Variants in PLD2 observed in about 807,000 individuals in gnomAD.
PLD2 encodes the protein choline phosphatase 2.
A neutral mutation model predicts 119.8 loss-of-function variants in PLD2; 101 were observed. That is an observed-to-expected ratio of 0.84 (90% CI 0.72 to 0.99). The LOEUF (loss-of-function observed/expected upper bound fraction) is 0.99. Ranked by LOEUF, PLD2 falls within the 50% of genes least tolerant of loss-of-function variation. The probability of loss-of-function intolerance (pLI) is 0.00; values close to 1 mark genes in which losing one functional copy is unlikely to be tolerated. For synonymous variants in PLD2, 494 were observed against 482.8 expected (o/e 1.02, Z -0.30); for missense variants, 1,164 against 1,226.8 (o/e 0.95, Z 0.76).
Position 4,822,668 on chromosome 17 carries a change from C to T in PLD2, c.2606C>T (p.Thr869Met), listed in dbSNP as rs745540818. 1.9e-6 allele frequency: 3 copies of T among 1,612,832 alleles called. No homozygotes were observed. The highest frequency in any genetic ancestry group is 1.1e-5 in the South Asian group (1 of 91,044). The change falls in exon 25 of 25, where the codon ACG becomes ATG. Residue 869 changes from threonine (T) to methionine (M), a missense_variant. Coordinates refer to ENST00000263088, the MANE Select transcript of PLD2 (RefSeq NM_002663.5). ...TTCCGCTGCCTGCCATCCAATGCCA[C>T]GCGTTCCCTGCGGACTCTCCGGGAG... Reference protein sequence around the residue: ...QIFRCLPSNATRSLRTLREYV... With the variant: ...QIFRCLPSNAMRSLRTLREYV...
chr17:4,815,826 C>T lies in PLD2; in HGVS notation c.1347C>T (p.Asp449=), dbSNP rs768533743. The change falls in exon 14 of 25, where the codon GAC becomes GAT. Residue 449 remains aspartate, a synonymous_variant. Coordinates refer to ENST00000263088, the MANE Select transcript of PLD2 (RefSeq NM_002663.5). Reference sequence around the variant, plus strand: ...ATCATGAGAAGCTCCTGGTGGTGGACCAAGTGGTAGCATTCCTGGGGGGAC... The same window carrying T: ...ATCATGAGAAGCTCCTGGTGGTGGATCAAGTGGTAGCATTCCTGGGGGGAC... ...WAHHEKLLVV[D]QVVAFLGGLD... is the part of the protein sequence containing the mutation. The T allele has an allele frequency of 1.2e-6, 2 of 1,614,098 alleles. No homozygotes were observed. Among genetic ancestry groups the T allele is most frequent in the East Asian group, 2.2e-5 (1 of 44,874 alleles).
At chr17:4,811,417 C>T (rs1460681227) in intron 10 of PLD2, among the ~76,000 whole-genome samples, 1 of 148,420 alleles carries the variant, frequency 6.7e-6, no homozygotes, top group Non-Finnish European at 1.5e-5. Context: ...GCCGGGATTA[C>T]AGGCGCCCAC....
Position 4,819,078 on chromosome 17 carries a change from A to G in PLD2, c.2174-6A>G, listed in dbSNP as rs1274932101. On this transcript the variant is annotated splice_region_variant and splice_polypyrimidine_tract_variant and intron_variant, in intron 21 of 24. Transcript: ENST00000263088. The surrounding 1 kb of genome is among the most constrained non-coding windows in gnomAD (Gnocchi z 4.2). Reference sequence around the variant, plus strand: ...CTCTCACCTCACTTCCCCTCCTGTCACGCAGTGGGGACAGCATGGCGGGAC... The same window carrying G: ...CTCTCACCTCACTTCCCCTCCTGTCGCGCAGTGGGGACAGCATGGCGGGAC... The G allele has an allele frequency of 1.2e-6, 2 of 1,614,040 alleles. No individual in the cohort carries two copies. The highest frequency in any genetic ancestry group is 8.5e-7 in the Non-Finnish European group (1 of 1,179,934).
chr17:4,813,114 A>T (rs1906639557), intron 10 of PLD2, among the ~76,000 whole-genome samples: 2 of 152,124 alleles, frequency 1.3e-5, no homozygotes, highest in African/African-American at 4.8e-5. Context: ...GGTTCAAGCG[A>T]TTCTCCTGCC....
Position 4,808,302 on chromosome 17 carries a change from G to A in PLD2, c.269G>A (p.Arg90His), listed in dbSNP as rs373143377. 24 of 1,614,058 alleles carry A rather than the reference G, an allele frequency of 1.5e-5. No individual in the cohort carries two copies. In the South Asian group the frequency reaches 1.6e-4, roughly 11 times the overall value. ...GGAACCTGCACTCTGTATTCTGTCC[G>A]CTTGACTCACGGCGACTTTTCCTGG... ...KVGTCTLYSVRLTHGDFSWTT... is the reference protein window; with the variant it reads ...KVGTCTLYSVHLTHGDFSWTT... The change falls in exon 4 of 25, where the codon CGC (arginine) becomes CAC (histidine). Residue 90 changes from arginine (R) to histidine (H), a missense_variant. Transcript: ENST00000263088. The surrounding 1 kb of genome is among the most constrained non-coding windows in gnomAD (Gnocchi z 4.1).
intron 24 of PLD2, among the ~76,000 whole-genome samples, chr17:4,822,172 A>G (rs4566240): frequency 0.99 from 150,040 of 152,164 alleles, 74,013 homozygotes; most frequent in Non-Finnish European, 1. Flanking sequence ...GCAAAACCCC[A>G]TCTCTACTAA....
In PLD2 at chr17:4,809,970, G is replaced by A. The variant is rs756913686; in HGVS notation, c.801G>A (p.Val267=). 4.3e-6 allele frequency: 7 copies of A among 1,614,138 alleles called. No individual in the cohort carries two copies. Among genetic ancestry groups the A allele is most frequent in the Non-Finnish European group, 5.9e-6 (7 of 1,180,038 alleles). Residue 267 remains valine, a synonymous_variant, in exon 9 of 25, where the codon GTG becomes GTA. Transcript: ENST00000263088. ...AGCTCTTTGACCCTGGCTTTGAGGT[G>A]CAAGTGGGGAAAAGGAGCACGGAGG... ...FVQLFDPGFE[V]QVGKRSTEAR...
At chr17:4,817,124 C>T (rs1379181979) in intron 16 of PLD2, 22 bp from the exon 17 acceptor site, 4 of 1,599,716 alleles carry the variant, frequency 2.5e-6, no homozygotes, top group Non-Finnish European at 3.4e-6. Flanking sequence ...CTCCTGCTGA[C>T]TCTGCCATCC....
chr17:4,821,742 G>C (rs941758485), intron 23 of PLD2, 51 bp from the exon 24 acceptor site: 1 of 1,320,376 alleles, frequency 7.6e-7, no homozygotes, highest in Non-Finnish European at 1.1e-6. Flanking sequence ...CTGGTACTCA[G>C]GTTCTCTAAG....
chr17:4,807,669 G>A lies in PLD2; in HGVS notation c.-1-103G>A, dbSNP rs540697690. 2 of 695,732 alleles carry A rather than the reference G, an allele frequency of 2.9e-6. No homozygotes were observed. The highest frequency in any genetic ancestry group is 5.2e-5 in the East Asian group (2 of 38,730). The allele number at this position is 695,732 out of a possible 1,614,324, so 43.1% of individuals were successfully genotyped here. On this transcript the variant is annotated intron_variant, in intron 1 of 24. Coordinates refer to ENST00000263088, the MANE Select transcript of PLD2 (RefSeq NM_002663.5). This position sits in a 1 kb window ranked among gnomAD's most constrained non-coding sequence, Gnocchi z 5.4. ...TCCGCGGGCGGTCAGGAGGCCGTGG[G>A]GGAAGAGGAGGATCTGGAAGAGATG... is the stretch of plus-strand genomic sequence containing the variant.
intron 4 of PLD2, 41 bp from the exon 5 acceptor site, chr17:4,809,059 C>G (rs146018152): frequency 4.7e-6 from 7 of 1,477,498 alleles, no homozygotes; most frequent in Non-Finnish European, 6.6e-6. Context: ...GAGCACCCAG[C>G]CTCCCAGCTC....
At position 4,821,911 on chromosome 17, in the gene PLD2, G is replaced by A. The variant is rs1907714424; in HGVS notation, c.2577+4G>A. On this transcript the variant is annotated splice_donor_region_variant and intron_variant, in intron 24 of 24. Transcript: ENST00000263088. ...CAACGCCAATATCTATGAGCAGGTG[G>A]GAACTTGGGAGGGGTGGGGGAGAGT... 7 of 1,600,656 alleles carry A rather than the reference G, an allele frequency of 4.4e-6. No homozygotes were observed. In the South Asian group the frequency reaches 6.6e-5, roughly 15 times the overall value.
At chr17:4,815,372 A>T (rs1039445036) in intron 12 of PLD2, 104 bp from the exon 13 acceptor site, 8 of 748,796 alleles carry the variant, frequency 1.1e-5, no homozygotes, top group Non-Finnish European at 1.9e-5. Context: ...AGCCTCTAGG[A>T]TCTCCAGACA....
In PLD2 at chr17:4,808,346, C is replaced by A. The variant is rs564771972; in HGVS notation, c.313C>A (p.Arg105Ser). The A allele has an allele frequency of 8.1e-6, 13 of 1,613,792 alleles. No individual in the cohort carries two copies. In the Admixed American group the frequency reaches 1.5e-4, roughly 19 times the overall value. Residue 105 changes from arginine (R) to serine (S), a missense_variant, in exon 4 of 25, where the codon CGT becomes AGT. Physicochemically the swap from Arg to Ser is moderately radical, Grantham distance 110 (BLOSUM62 -1). Coordinates refer to ENST00000263088, the MANE Select transcript of PLD2 (RefSeq NM_002663.5). The surrounding 1 kb of genome is among the most constrained non-coding windows in gnomAD (Gnocchi z 4.1). Reference protein sequence around the residue: ...DFSWTTKKKYRHFQELHRDLL... With the variant: ...DFSWTTKKKYSHFQELHRDLL... ...TTCCTGGACAACCAAGAAGAAATACCGTCATTTTCAGGAGCTGCATCGGGA... is the reference window on the plus strand; with the variant it reads ...TTCCTGGACAACCAAGAAGAAATACAGTCATTTTCAGGAGCTGCATCGGGA...
At chr17:4,822,475 A>T (rs1001031469) in intron 24 of PLD2, among the ~76,000 whole-genome samples, 165 bp from the exon 25 acceptor site, 1 of 148,772 alleles carries the variant, frequency 6.7e-6, no homozygotes. Context: ...CTGGGCAAAA[A>T]GAGTGAAACT....
chr17:4,815,068 G>T (rs1906837802), intron 12 of PLD2, among the ~76,000 whole-genome samples: 1 of 152,108 alleles, frequency 6.6e-6, no homozygotes, highest in African/African-American at 2.4e-5. Flanking sequence ...GGTGTTGATG[G>T]ACAGGAAGAA....
At chr17:4,815,979 G>A (rs980624182) in intron 14 of PLD2, 45 bp downstream of exon 14, 2 of 1,378,306 alleles carry the variant, frequency 1.5e-6, no homozygotes, top group Middle Eastern at 1.8e-4. Context: ...ACTCAGATAA[G>A]CTCAATCAAC....
chr17:4,815,632 C>T (rs745606230), intron 13 of PLD2, 46 bp downstream of exon 13: 34 of 1,576,906 alleles, frequency 2.2e-5, no homozygotes, highest in Non-Finnish European at 3.0e-5. Flanking sequence ...GCCCTTCTCC[C>T]CACACTGTCC....
At chr17:4,815,017 C>G (rs1036181861) in intron 12 of PLD2, among the ~76,000 whole-genome samples, 3 of 152,074 alleles carry the variant, frequency 2.0e-5, no homozygotes, top group Non-Finnish European at 2.9e-5. Flanking sequence ...TATCACTGTT[C>G]CACTACAAGG....
Sources: gnomAD v4.1 joint callset for allele counts (sites outside exome capture counted in the v4.1 genomes callset) on GRCh38, gnomAD v4.1.1 for gene constraint, Gnocchi (gnomAD v3.1) non-coding constraint, MANE v1.5 for transcripts, NCBI Gene and HGNC (gene_info 2026-07-23, HGNC 2026-07-21) for gene names.